The following CDH6 variants were observed in gnomAD, a reference collection of about 807,000 sequenced individuals.
CDH6 encodes the protein cadherin-6.
Under a neutral mutation model 78.0 loss-of-function variants are expected in CDH6, and 31 were observed. The observed-to-expected ratio is 0.40, with a 90% CI of 0.30 to 0.54. The LOEUF (loss-of-function observed/expected upper bound fraction) is 0.54, where lower values mean the gene tolerates loss of function less well. Among genes scored for constraint, CDH6 ranks in the 20% least tolerant of loss-of-function variants. CDH6 has a pLI of 0.56. For synonymous variants in CDH6, 376 were observed against 368.8 expected, an observed-to-expected ratio of 1.02 and a Z score of -0.23; for missense variants, 724 against 975.9, an observed-to-expected ratio of 0.74 and a Z score of 3.44.
rs763884564 is a variant in CDH6 at position 31,322,957 on chromosome 5, C to T, written c.2022C>T (p.Ile674=). ...AGGAGGACACCCAGGCTTTTGATAT[C>T]GGCACCCTGAGGAATCCTGAAGCCA... is the stretch of plus-strand genomic sequence containing the variant. The part of the protein sequence containing the change: ...GGEEDTQAFD[I]GTLRNPEAIE... Residue 674 remains isoleucine (I), a synonymous_variant, in exon 12 of 12, where the codon ATC becomes ATT. Transcript: ENST00000265071. 3.1e-6 allele frequency: 5 copies of T among 1,614,060 alleles called. No individual in the cohort carries two copies. The South Asian group carries it at 3.3e-5, about 11-fold the overall frequency.
intron 1 of CDH6, among the ~76,000 whole-genome samples, chr5:31,259,707 C>T (rs1194929144): frequency 6.6e-6 from 1 of 152,206 alleles, no homozygotes; most frequent in East Asian, 1.9e-4. Context: ...GCTTTCTCTT[C>T]TTCTTTGTTC....
intron 1 of CDH6, among the ~76,000 whole-genome samples, chr5:31,211,814 T>C (rs1270236835): frequency 6.6e-6 from 1 of 152,230 alleles, no homozygotes; most frequent in African/African-American, 2.4e-5. Flanking sequence ...AGTTCACCTC[T>C]CTGCAAATGT....
chr5:31,232,905 T>C (rs1038047373), intron 1 of CDH6, among the ~76,000 whole-genome samples: 1 of 152,156 alleles, frequency 6.6e-6, no homozygotes, highest in African/African-American at 2.4e-5. Context: ...CCAAAATAGG[T>C]CCTTTAATAC....
At chr5:31,213,405 G>C (rs1484937346) in intron 1 of CDH6, among the ~76,000 whole-genome samples, 1 of 151,770 alleles carries the variant, frequency 6.6e-6, no homozygotes, top group African/African-American at 2.4e-5. Context: ...CCTGTGTGGA[G>C]CTCAGCAAGA....
chr5:31,267,600 A>T lies in CDH6; in HGVS notation c.127A>T (p.Asn43Tyr), dbSNP rs776797071. The T allele has an allele frequency of 3.7e-6, 6 of 1,614,152 alleles. No individual in the cohort carries two copies. The Admixed American group carries it at 8.3e-5, about 22-fold the overall frequency. The change falls in exon 2 of 12, where the codon AAC (asparagine) becomes TAC (tyrosine). Residue 43 changes from asparagine to tyrosine, a missense_variant. Asn to Tyr is a moderately radical substitution (Grantham distance 143). Coordinates refer to ENST00000265071, the MANE Select transcript of CDH6 (RefSeq NM_004932.4). ...GAAAAGGGCCCTGGAGCTCTCTGGA[A>T]ACAGCAAAAATGAGCTGAACCGTTC... ...AKKRALELSG[N>Y]SKNELNRSKR...
At chr5:31,257,307 T>C (rs570617607) in intron 1 of CDH6, among the ~76,000 whole-genome samples, 37 of 152,096 alleles carry the variant, frequency 2.4e-4, no homozygotes, top group Admixed American at 1.6e-3. Context: ...GGACTACAGG[T>C]GCCCGCCACC....
At chr5:31,308,348 C>T (rs1341507122) in intron 7 of CDH6, among the ~76,000 whole-genome samples, 1 of 151,470 alleles carries the variant, frequency 6.6e-6, no homozygotes, top group Non-Finnish European at 1.5e-5. Context: ...AACATACATC[C>T]TTTTCAGGAA....
chr5:31,302,921 AAGAAAGAAAGAAAG>A (rs1737848629), intron 6 of CDH6, among the ~76,000 whole-genome samples: 1 of 123,188 alleles, frequency 8.1e-6, no homozygotes, highest in Admixed American at 8.4e-5. Context: ...GAAAGAAAGA[AAGAAAGAAAGAAAG>A]AAAGAAAGAA....
At chr5:31,255,821 A>T (rs1006689007) in intron 1 of CDH6, among the ~76,000 whole-genome samples, 3 of 152,268 alleles carry the variant, frequency 2.0e-5, no homozygotes, top group Non-Finnish European at 4.4e-5. Context: ...GATTTGCATT[A>T]TGAATTCTCT....
intron 1 of CDH6, among the ~76,000 whole-genome samples, chr5:31,194,626 G>T (rs1364535340): frequency 6.6e-6 from 1 of 152,134 alleles, no homozygotes; most frequent in African/African-American, 2.4e-5. Context: ...AAGTCATATG[G>T]AAGGCGCAGT....
chr5:31,289,122 C>T (rs915988196), intron 2 of CDH6, among the ~76,000 whole-genome samples: 1 of 152,144 alleles, frequency 6.6e-6, no homozygotes, highest in Non-Finnish European at 1.5e-5. Flanking sequence ...GCCATCACTC[C>T]CCTTCTTCCC....
chr5:31,216,509 G>A (rs1466067221), intron 1 of CDH6, among the ~76,000 whole-genome samples: 2 of 151,792 alleles, frequency 1.3e-5, no homozygotes, highest in Non-Finnish European at 2.9e-5. Context: ...TGTATGTATT[G>A]CCTATAGCTG....
chr5:31,203,233 C>CTTT (rs10656122), intron 1 of CDH6, among the ~76,000 whole-genome samples: 144 of 127,204 alleles, frequency 1.1e-3, no homozygotes, highest in Middle Eastern at 4.0e-3. Flanking sequence ...CAGGCAGGTC[C>CTTT]TTTTTTTTTT....
At chr5:31,321,475 C>G (rs568258272) in intron 11 of CDH6, among the ~76,000 whole-genome samples, 2 of 152,214 alleles carry the variant, frequency 1.3e-5, no homozygotes, top group African/African-American at 4.8e-5. Flanking sequence ...CTTCAACTTC[C>G]TCTTATGTAA....
chr5:31,246,647 T>A (rs1388267084), intron 1 of CDH6, among the ~76,000 whole-genome samples: 1 of 152,196 alleles, frequency 6.6e-6, no homozygotes, highest in African/African-American at 2.4e-5. Flanking sequence ...CAAACATGAT[T>A]TTGGCAATAA....
At chr5:31,307,677 T>C (rs1282915229) in intron 7 of CDH6, among the ~76,000 whole-genome samples, 2 of 152,222 alleles carry the variant, frequency 1.3e-5, no homozygotes, top group African/African-American at 4.8e-5. Context: ...AGGAAAAAAA[T>C]CTTAGCAAGT....
intron 1 of CDH6, among the ~76,000 whole-genome samples, chr5:31,260,649 C>G (rs1434084266): frequency 6.6e-6 from 1 of 152,140 alleles, no homozygotes; most frequent in African/African-American, 2.4e-5. Flanking sequence ...AGTTTGCAAA[C>G]AGATTGGCCT....
chr5:31,205,722 T>A (rs1024068501), intron 1 of CDH6, among the ~76,000 whole-genome samples: 1 of 152,240 alleles, frequency 6.6e-6, no homozygotes, highest in Non-Finnish European at 1.5e-5. Context: ...GCTTATTTGC[T>A]AAGTGAATGA....
chr5:31,264,735 G>C (rs1379239714), intron 1 of CDH6, among the ~76,000 whole-genome samples: 1 of 152,162 alleles, frequency 6.6e-6, no homozygotes, highest in Admixed American at 6.5e-5. Flanking sequence ...GATGCACCCT[G>C]TCAAGTTGAT....
Sources: allele counts gnomAD v4.1 joint callset (sites outside exome capture counted in the v4.1 genomes callset), GRCh38; gene constraint gnomAD v4.1.1; transcripts MANE v1.5; gene names NCBI Gene and HGNC (gene_info 2026-07-23, HGNC 2026-07-21).